The following THSD4 variants were observed in gnomAD, a reference collection of about 807,000 sequenced individuals.
THSD4 encodes thrombospondin type-1 domain-containing protein 4.
A neutral mutation model predicts 119.0 loss-of-function variants in THSD4; 69 were observed. The observed-to-expected ratio is 0.58, with a 90% confidence interval of 0.48 to 0.71. THSD4 has a LOEUF of 0.71. Among genes scored for constraint, THSD4 ranks in the 30% least tolerant of loss-of-function variants. The pLI is 0.00. For missense variants in THSD4, 1,393 were observed against 1,391.1 expected (o/e 1.00, Z -0.02); for synonymous variants, 524 against 540.4 (o/e 0.97, Z 0.42).
chr15:71,405,096 C>G (rs2140491135), intron 6 of THSD4, among the ~76,000 whole-genome samples: 1 of 152,206 alleles, frequency 6.6e-6, no homozygotes, highest in Non-Finnish European at 1.5e-5. Context: ...ACCATGTTGG[C>G]TAGGATGGTC....
At chr15:71,558,077 C>T (rs1290023480) in intron 7 of THSD4, among the ~76,000 whole-genome samples, 1 of 152,074 alleles carries the variant, frequency 6.6e-6, no homozygotes, top group Non-Finnish European at 1.5e-5. Context: ...CCTGTAATCC[C>T]AGCACTTTGG....
intron 4 of THSD4, among the ~76,000 whole-genome samples, chr15:71,231,486 C>T (rs2044061119): frequency 6.6e-6 from 1 of 152,154 alleles, no homozygotes; most frequent in South Asian, 2.1e-4. Flanking sequence ...GGTGGCTTGC[C>T]TCTTGACTTC....
At chr15:71,483,238 G>A (rs1013711927) in intron 7 of THSD4, among the ~76,000 whole-genome samples, 1 of 152,138 alleles carries the variant, frequency 6.6e-6, no homozygotes, top group South Asian at 2.1e-4. Context: ...GACTGATTAC[G>A]CAGTCACAGT....
intron 6 of THSD4, among the ~76,000 whole-genome samples, chr15:71,366,622 C>G (rs1461255432): frequency 6.6e-6 from 1 of 152,138 alleles, no homozygotes; most frequent in African/African-American, 2.4e-5. Flanking sequence ...TGGGGTCAGT[C>G]ACTTTCTCAT....
In THSD4 at chr15:71,285,091, G is replaced by A. The variant is rs1030433893; in HGVS notation, c.1015+28376G>A. Among the ~76,000 whole-genome samples the A allele has an allele frequency of 9.2e-5, 14 of 152,110 alleles. No homozygotes were observed. The South Asian group carries it at 1.2e-3, about 14-fold the overall frequency. On this transcript the variant is annotated intron_variant, in intron 6 of 17. Coordinates refer to ENST00000261862, the MANE Select transcript of THSD4 (RefSeq NM_024817.3). Reference sequence around the variant, plus strand: ...CTGCTATTCTCAATTTTAACCATCCGCTCTACATCTTCAGAGATGTAAGTA... The same window carrying A: ...CTGCTATTCTCAATTTTAACCATCCACTCTACATCTTCAGAGATGTAAGTA...
At chr15:71,643,807 A>G (rs759264611) in intron 7 of THSD4, among the ~76,000 whole-genome samples, 30 of 152,188 alleles carry the variant, frequency 2.0e-4, no homozygotes, top group Non-Finnish European at 2.9e-4. Flanking sequence ...TTGTGTTTCA[A>G]TTTACAACCT....
At chr15:71,741,491 T>C (rs1272949093) in intron 11 of THSD4, among the ~76,000 whole-genome samples, 1 of 151,922 alleles carries the variant, frequency 6.6e-6, no homozygotes, top group Non-Finnish European at 1.5e-5. Flanking sequence ...AGACTCCGTC[T>C]CAAAACAAAA....
upstream of THSD4, chr15:71,112,001 T>C: frequency 9.2e-7 from 1 of 1,088,684 alleles, no homozygotes; most frequent in African/African-American, 1.6e-5. Context: ...CCCCATAAGT[T>C]TCCCCCCAAA....
intron 7 of THSD4, among the ~76,000 whole-genome samples, chr15:71,454,493 A>AG (rs2047309940): frequency 6.6e-6 from 1 of 152,222 alleles, no homozygotes; most frequent in South Asian, 2.1e-4. Context: ...GTGGGGCTCC[A>AG]GGGCCAAGGA....
intron 8 of THSD4, among the ~76,000 whole-genome samples, chr15:71,693,977 T>C (rs2052108218): frequency 6.6e-6 from 1 of 150,696 alleles, no homozygotes; most frequent in South Asian, 2.1e-4. Flanking sequence ...CATATACCAC[T>C]GCACTCAGGC....
At chr15:71,540,676 C>G (rs2140837014) in intron 7 of THSD4, among the ~76,000 whole-genome samples, 1 of 134,672 alleles carries the variant, frequency 7.4e-6, no homozygotes, top group African/African-American at 2.8e-5. Context: ...ATCCACCTGC[C>G]TCAGGCTCCC....
rs1186919225 is a variant in THSD4 at position 71,187,042 on chromosome 15, A to C, written c.100-27993A>C. 2.6e-5 allele frequency: 4 copies of C among 152,232 alleles called. 1 individual carries two copies. The highest frequency in any genetic ancestry group is 2.0e-4 in the Admixed American group (3 of 15,292). The allele number at this position is 152,232 out of a possible 1,614,324, so 9.4% of individuals were successfully genotyped here. A position where few individuals can be genotyped will look rare whatever the true frequency, so the allele number is the denominator to read the frequency against. On this transcript the variant is annotated intron_variant, in intron 3 of 17. Coordinates refer to ENST00000261862, the MANE Select transcript of THSD4 (RefSeq NM_024817.3). The stretch of plus-strand genomic sequence containing the variant: ...TTTTTTCCATACATAGGGCATGCCT[A>C]GTGGAAAAGCAGCCTTTTCAGCAGA...
In THSD4 at chr15:71,717,015, T is replaced by C. The variant is rs75793766; in HGVS notation, c.1358-11534T>C. The stretch of plus-strand genomic sequence containing the variant: ...TTTTAGACAACTCCAGTTTTCCCTC[T>C]CTGTGCCAGGAGGAAGATGCATTCT... On this transcript the variant is annotated intron_variant, in intron 8 of 17. Coordinates refer to ENST00000261862, the MANE Select transcript of THSD4 (RefSeq NM_024817.3). 2.5e-3 allele frequency among the ~76,000 whole-genome samples: 388 copies of C among 152,336 alleles called. 4 individuals carry two copies. Among genetic ancestry groups the C allele is most frequent in the African/African-American group, 9.2e-3 (382 of 41,582 alleles).
At chr15:71,101,177 T>C (rs1192987409) in intron 1 of THSD4, among the ~76,000 whole-genome samples, 2 of 152,122 alleles carry the variant, frequency 1.3e-5, no homozygotes, top group Non-Finnish European at 2.9e-5. Flanking sequence ...ATTGATATTT[T>C]TACTATATCT....
intron 7 of THSD4, among the ~76,000 whole-genome samples, chr15:71,640,035 G>A (rs1380602601): frequency 6.6e-6 from 1 of 152,082 alleles, no homozygotes; most frequent in African/African-American, 2.4e-5. Flanking sequence ...CAAAATACTA[G>A]TATTGGGGGC....
Position 71,499,181 on chromosome 15 carries a change from C to T in THSD4, c.1152+87358C>T, listed in dbSNP as rs1386861974. Among the ~76,000 whole-genome samples the T allele has an allele frequency of 3.3e-5, 5 of 152,092 alleles. No homozygotes were observed. In the East Asian group the frequency reaches 9.6e-4, roughly 29 times the overall value. ...ACCCTTCACTCTGGTCTAATTGATG[C>T]AACTCCTGGTACCCAGTTGCTGTCC... On this transcript the variant is annotated intron_variant, in intron 7 of 17. Coordinates refer to ENST00000261862, the MANE Select transcript of THSD4 (RefSeq NM_024817.3).
intron 6 of THSD4, among the ~76,000 whole-genome samples, chr15:71,273,943 G>A (rs1435368794): frequency 1.3e-5 from 2 of 152,172 alleles, no homozygotes; most frequent in African/African-American, 2.4e-5. Context: ...GGGCTTCCAG[G>A]TGGACAGAAC....
chr15:71,677,487 T>C (rs1215398468), intron 8 of THSD4, among the ~76,000 whole-genome samples: 4 of 152,222 alleles, frequency 2.6e-5, no homozygotes, highest in African/African-American at 9.6e-5. Context: ...ACTCCTGGAC[T>C]TACTTTTGGA....
chr15:71,265,559 GT>G (rs991081134), intron 6 of THSD4, among the ~76,000 whole-genome samples: 2 of 151,312 alleles, frequency 1.3e-5, no homozygotes, highest in Admixed American at 6.6e-5. Flanking sequence ...AGCTGCAGGA[GT>G]TTTTTTTTCG....
Sources: allele counts gnomAD v4.1 joint callset (sites outside exome capture counted in the v4.1 genomes callset), GRCh38; gene constraint gnomAD v4.1.1; transcripts MANE v1.5; gene names NCBI Gene and HGNC (gene_info 2026-07-23, HGNC 2026-07-21).